TRPV5: variants seen among roughly 807,000 people sequenced by gnomAD.
TRPV5 encodes the protein calcium transport protein 2.
Under a neutral mutation model 74.1 loss-of-function variants are expected in TRPV5, and 66 were observed. The ratio of observed to expected loss-of-function variants is 0.89; its 90% confidence interval spans 0.73 to 1.09. The LOEUF is 1.09. TRPV5 is among the 50% of genes least tolerant of loss of function. TRPV5 has a pLI of 0.00. For missense variants in TRPV5, 936 were observed against 930.4 expected (o/e 1.01, Z -0.08); for synonymous variants, 399 against 360.7 (o/e 1.11, Z -1.20).
chr7:142,930,494 G>A, intron 1 of TRPV5, 48 bp from the exon 2 acceptor site: 1 of 1,356,772 alleles, frequency 7.4e-7, no homozygotes, highest in South Asian at 1.2e-5. Context: ...ATAGCAGAAT[G>A]AGGCCAAGAG....
intron 12 of TRPV5, among the ~76,000 whole-genome samples, chr7:142,914,010 C>T (rs1388794810): frequency 6.6e-6 from 1 of 152,078 alleles, no homozygotes; most frequent in Admixed American, 6.6e-5. Flanking sequence ...CTTTCTTTTG[C>T]TCCCTGGCAC....
At chr7:142,917,456 T>C (rs4252478) in intron 8 of TRPV5, among the ~76,000 whole-genome samples, 7,162 of 152,202 alleles carry the variant, frequency 0.047, 334 homozygotes, top group African/African-American at 0.13. Context: ...TACACATAAG[T>C]TGGCGAGGAT....
At position 142,928,820 on chromosome 7, in the gene TRPV5, A is replaced by G; in HGVS notation, c.633T>C (p.Phe211=). The G allele has an allele frequency of 6.2e-7, 1 of 1,614,142 alleles. No individual in the cohort carries two copies. The highest frequency in any genetic ancestry group is 8.5e-7 in the Non-Finnish European group (1 of 1,179,998). ...HILILQPNKT[F]ACQMYNLLLS... Reference sequence around the variant, plus strand: ...GCAGCAGGTTGTACATCTGGCAGGCAAAGGTTTTGTTGGGCTGGAGGATGA... The same window carrying G: ...GCAGCAGGTTGTACATCTGGCAGGCGAAGGTTTTGTTGGGCTGGAGGATGA... The change falls in exon 6 of 15, where the codon TTT becomes TTC. Residue 211 remains phenylalanine (F), a synonymous_variant. Coordinates refer to ENST00000265310, the MANE Select transcript of TRPV5 (RefSeq NM_019841.7).
intron 4 of TRPV5, 122 bp from the exon 5 acceptor site, chr7:142,929,242 C>T (rs889064570): frequency 4.1e-6 from 6 of 1,474,854 alleles, no homozygotes; most frequent in East Asian, 2.4e-5. Flanking sequence ...GAGGGACACT[C>T]GTCCAGCAGA....
chr7:142,924,766 C>A (rs1006631923), intron 8 of TRPV5: 16 of 152,110 alleles, frequency 1.1e-4, no homozygotes, highest in African/African-American at 3.9e-4. Context: ...TTTTAGTAAT[C>A]CACAAAGAGT....
chr7:142,924,160 T>C (rs1023327156), intron 8 of TRPV5, among the ~76,000 whole-genome samples: 1 of 150,318 alleles, frequency 6.7e-6, no homozygotes, highest in Admixed American at 6.7e-5. Flanking sequence ...AGGCTTGTCC[T>C]CCCCAGGCAG....
chr7:142,931,391 C>T (rs1796094703), intron 1 of TRPV5, among the ~76,000 whole-genome samples: 1 of 152,120 alleles, frequency 6.6e-6, no homozygotes, highest in African/African-American at 2.4e-5. Flanking sequence ...CTTTCTTCTG[C>T]ATTATACCCT....
Position 142,928,240 on chromosome 7 carries a change from A to G in TRPV5, c.763-6T>C, listed in dbSNP as rs200247492. On this transcript the variant is annotated splice_polypyrimidine_tract_variant and splice_region_variant and intron_variant, in intron 6 of 14. Transcript: ENST00000265310. The stretch of plus-strand genomic sequence containing the variant: ...TGCATCAGGTGCTGGAACATCTGAG[A>G]GACCACCAGGATGAGTCAGGGGGCC... The G allele has an allele frequency of 6.2e-7, 1 of 1,614,158 alleles. No homozygotes were observed. The highest frequency in any genetic ancestry group is 8.5e-7 in the Non-Finnish European group (1 of 1,180,014).
At chr7:142,921,681 A>G (rs920639558) in intron 8 of TRPV5, among the ~76,000 whole-genome samples, 1 of 152,086 alleles carries the variant, frequency 6.6e-6, no homozygotes, top group Non-Finnish European at 1.5e-5. Context: ...CAAGCAGAGT[A>G]ATTTTTCTAA....
rs560316977 is a variant in TRPV5, at chr7:142,915,238, A to G, written c.1286+69T>C. 4 of 1,582,554 alleles carry G rather than the reference A, an allele frequency of 2.5e-6. No homozygotes were observed. The East Asian group carries it at 8.9e-5, about 35-fold the overall frequency. On this transcript the variant is annotated intron_variant, in intron 10 of 14. Coordinates refer to ENST00000265310, the MANE Select transcript of TRPV5 (RefSeq NM_019841.7). Reference sequence around the variant, plus strand: ...GAGTGACCTGAGGCCTAGAACTCAGAGAGTGAGCTGGAGACAGGAAAAGAT... The same window carrying G: ...GAGTGACCTGAGGCCTAGAACTCAGGGAGTGAGCTGGAGACAGGAAAAGAT...
In TRPV5 at chr7:142,933,618, T is replaced by G; in HGVS notation, c.-159A>C. The G allele has an allele frequency of 1.1e-6, 1 of 935,852 alleles. No homozygotes were observed. The highest frequency in any genetic ancestry group is 1.6e-6 in the Non-Finnish European group (1 of 623,962). The allele number at this position is 935,852 out of a possible 1,614,324, so 58.0% of individuals were successfully genotyped here. A position where few individuals can be genotyped will look rare whatever the true frequency, so the allele number is the denominator to read the frequency against. On this transcript the variant is annotated 5_prime_UTR_variant, in exon 1 of 15. Coordinates refer to ENST00000265310, the MANE Select transcript of TRPV5 (RefSeq NM_019841.7). Reference sequence around the variant, plus strand: ...ATGCAGCATGCAGCTTGTAGGTGTGTGTGTGTGCATGCAGTATGTGGGTTG... The same window carrying G: ...ATGCAGCATGCAGCTTGTAGGTGTGGGTGTGTGCATGCAGTATGTGGGTTG...
In TRPV5 at chr7:142,925,670, C is replaced by T. The variant is rs760393955; in HGVS notation, c.981G>A (p.Pro327=). 1.8e-5 allele frequency: 29 copies of T among 1,614,048 alleles called. No homozygotes were observed. Among genetic ancestry groups the T allele is most frequent in the Middle Eastern group, 1.6e-4 (1 of 6,084 alleles). The change falls in exon 8 of 15, where the codon CCG becomes CCA. Residue 327 remains proline (P), a synonymous_variant. Transcript: ENST00000265310. The part of the protein sequence containing the change: ...VSFKWNKYGR[P]YFCILAALYL... The stretch of plus-strand genomic sequence containing the variant: ...ACAAGGCAGCCAGGATGCAGAAGTA[C>T]GGCCGGCCATACTTGTTCCACTTGA...
At chr7:142,925,918 G>A (rs948291274) in intron 7 of TRPV5, among the ~76,000 whole-genome samples, 177 bp from the exon 8 acceptor site, 2 of 152,210 alleles carry the variant, frequency 1.3e-5, no homozygotes, top group African/African-American at 2.4e-5. Context: ...AGTGATACAG[G>A]TAAATGACTA....
rs540161500 is a variant in TRPV5 at position 142,920,132 on chromosome 7, G to A, written c.1123-4564C>T. On this transcript the variant is annotated intron_variant, in intron 8 of 14. Transcript: ENST00000265310. ...CATTTACTTGAAAAGTTCTGTAGGC[G>A]TTTTGGACGTGTATCCCAAGTTGAG... Among the ~76,000 whole-genome samples the A allele has an allele frequency of 3.6e-4, 55 of 152,270 alleles. No homozygotes were observed. In the South Asian group the frequency reaches 8.1e-3, roughly 22 times the overall value.
intron 12 of TRPV5, 138 bp downstream of exon 12, chr7:142,914,496 TCCAACA>T: frequency 1.3e-6 from 1 of 791,370 alleles, no homozygotes; most frequent in Non-Finnish European, 2.0e-6. Context: ...AGACTTACCT[TCCAACA>T]GGAAAAAACA....
At chr7:142,908,878 C>A (rs1163198048) in intron 14 of TRPV5, 70 bp from the exon 15 acceptor site, 1 of 1,487,186 alleles carries the variant, frequency 6.7e-7, no homozygotes. Context: ...GTAGAGGTGA[C>A]CATTTAGAAA....
intron 13 of TRPV5, among the ~76,000 whole-genome samples, chr7:142,909,988 G>C (rs1795678364): frequency 6.6e-6 from 1 of 152,156 alleles, no homozygotes; most frequent in African/African-American, 2.4e-5. Context: ...TACTGTTCAG[G>C]GAATTTTCAG....
intron 12 of TRPV5, among the ~76,000 whole-genome samples, chr7:142,913,004 G>C (rs1208197634): frequency 1.3e-5 from 2 of 152,128 alleles, no homozygotes; most frequent in African/African-American, 2.4e-5. Flanking sequence ...CATGGTAATA[G>C]TCATTTAACA....
At chr7:142,911,781 A>G (rs867327685) in intron 13 of TRPV5, among the ~76,000 whole-genome samples, 1 of 152,224 alleles carries the variant, frequency 6.6e-6, no homozygotes, top group South Asian at 2.1e-4. Context: ...GGGAAAAATG[A>G]TGGCTATATT....
Sources: gnomAD v4.1 joint callset for allele counts (sites outside exome capture counted in the v4.1 genomes callset) on GRCh38, gnomAD v4.1.1 for gene constraint, MANE v1.5 for transcripts, NCBI Gene and HGNC (gene_info 2026-07-23, HGNC 2026-07-21) for gene names.